The following SUPT7L variants were observed in gnomAD, a reference collection of about 807,000 sequenced individuals.
SUPT7L encodes SPT7 like, STAGA complex subunit gamma, also known as STAGA complex 65 subunit gamma.
A neutral mutation model predicts 35.7 loss-of-function variants in SUPT7L; 15 were observed. The ratio of observed to expected loss-of-function variants is 0.42; its 90% CI spans 0.28 to 0.65. The LOEUF is 0.65. SUPT7L is among the 30% of genes least tolerant of loss of function. The pLI is 0.23. For missense variants in SUPT7L, 434 were observed against 522.2 expected (o/e 0.83, Z 1.65); for synonymous variants, 168 against 186.2 (o/e 0.90, Z 0.79).
chr2:27,654,635 C>T (rs1024305807), intron 5 of SUPT7L, among the ~76,000 whole-genome samples: 6 of 152,118 alleles, frequency 3.9e-5, no homozygotes, highest in African/African-American at 7.2e-5. Context: ...GGTGCAATCT[C>T]GGCTCACTGC....
At chr2:27,656,448 G>C (rs1674807940) in intron 4 of SUPT7L, among the ~76,000 whole-genome samples, 1 of 151,912 alleles carries the variant, frequency 6.6e-6, no homozygotes, top group Admixed American at 6.6e-5. Context: ...GTATTTTTTT[G>C]TGTATGTGCT....
At chr2:27,662,645 G>A (rs1327675395) in intron 1 of SUPT7L, among the ~76,000 whole-genome samples, 2 of 152,072 alleles carry the variant, frequency 1.3e-5, no homozygotes, top group Admixed American at 6.5e-5. Context: ...GTTATCCTTG[G>A]ATTTTAATTA....
intron 4 of SUPT7L, 53 bp from the exon 5 acceptor site, chr2:27,655,655 T>C (rs1003906194): frequency 4.0e-5 from 59 of 1,480,500 alleles, no homozygotes; most frequent in South Asian, 5.3e-5. Flanking sequence ...GCAAGTTGGA[T>C]AGTCAGCTTG....
rs747063869 is a variant in SUPT7L, at chr2:27,661,055, CAGG to C, written c.345_347del (p.Leu116del). 1 of 1,614,120 alleles carries C rather than the reference CAGG, an allele frequency of 6.2e-7. No homozygotes were observed. ...CATTGGGATTCTTACAATCTAAAGG[CAGG>C]AGGTCATCAGGGAGAGGAGGTGACC... On this transcript the variant is annotated inframe_deletion, in exon 3 of 6. Coordinates refer to ENST00000337768, the MANE Select transcript of SUPT7L (RefSeq NM_014860.3).
chr2:27,644,236 T>C, the SUPT7L span, among the ~76,000 whole-genome samples: 1 of 152,174 alleles, frequency 6.6e-6, no homozygotes, highest in Non-Finnish European at 1.5e-5. Flanking sequence ...CTGTTTGTAA[T>C]AAGAATTTTG....
At chr2:27,656,918 C>T (rs1027663845) in intron 4 of SUPT7L, among the ~76,000 whole-genome samples, 3 of 152,216 alleles carry the variant, frequency 2.0e-5, no homozygotes, top group Non-Finnish European at 4.4e-5. Context: ...GGATTACAGG[C>T]ATGTGCCATC....
chr2:27,662,238 G>A lies in SUPT7L; in HGVS notation c.-46C>T. On this transcript the variant is annotated 5_prime_UTR_variant, in exon 2 of 6. Coordinates refer to ENST00000337768, the MANE Select transcript of SUPT7L (RefSeq NM_014860.3). ...TTCAACAAACATTTATCAAATGCCA[G>A]GCATTCTGTGTCGGTCAAAGACTGA... 1 of 1,604,358 alleles carries A rather than the reference G, an allele frequency of 6.2e-7. No individual in the cohort carries two copies. Among genetic ancestry groups the A allele is most frequent in the Non-Finnish European group, 8.5e-7 (1 of 1,171,130 alleles).
At chr2:27,649,440 TAATA>T (rs1674413358), downstream of SUPT7L, among the ~76,000 whole-genome samples, 1 of 145,466 alleles carries the variant, frequency 6.9e-6, no homozygotes, top group Non-Finnish European at 1.6e-5. Flanking sequence ...TGATGAGCTT[TAATA>T]AATATATACT....
Position 27,663,502 on chromosome 2 carries a change from C to G in SUPT7L, c.-263G>C, listed in dbSNP as rs1395346119. ...GGACCTGAACCGAGACAAGGAGGTA[C>G]CACACTATTCACTGCTGCGTCGCAG... On this transcript the variant is annotated 5_prime_UTR_variant, in exon 1 of 6. Coordinates refer to ENST00000337768, the MANE Select transcript of SUPT7L (RefSeq NM_014860.3). The G allele has an allele frequency of 4.2e-6, 2 of 473,432 alleles. No homozygotes were observed. The highest frequency in any genetic ancestry group is 7.7e-6 in the Non-Finnish European group (2 of 259,154). The allele number at this position is 473,432 out of a possible 1,614,324, so 29.3% of individuals were successfully genotyped here.
intron 1 of SUPT7L, among the ~76,000 whole-genome samples, chr2:27,662,521 C>G (rs948786194): frequency 4.6e-5 from 7 of 152,218 alleles, no homozygotes; most frequent in Non-Finnish European, 2.9e-5. Flanking sequence ...TTGCACATCC[C>G]TGGCAGACTC....
chr2:27,649,963 G>T (rs1572968676), downstream of SUPT7L: 32 of 533,946 alleles, frequency 6.0e-5, no homozygotes, highest in East Asian at 1.0e-3. Flanking sequence ...CAGCATGATA[G>T]AGCATGCTTC....
chr2:27,648,579 C>T (rs1227760811), downstream of SUPT7L, among the ~76,000 whole-genome samples: 1 of 152,154 alleles, frequency 6.6e-6, no homozygotes, highest in Non-Finnish European at 1.5e-5. Context: ...GATAGAATGG[C>T]TCTGGAAACC....
Position 27,661,047 on chromosome 2 carries a change from T to C in SUPT7L, c.356A>G (p.Asp119Gly). The C allele has an allele frequency of 6.2e-7, 1 of 1,614,064 alleles. No individual in the cohort carries two copies. Among genetic ancestry groups the C allele is most frequent in the Middle Eastern group, 1.6e-4 (1 of 6,062 alleles). The change falls in exon 3 of 6, where the codon GAT becomes GGT. Residue 119 changes from aspartate (D) to glycine (G), a missense_variant. Transcript: ENST00000337768. ...GAATGGTGCATTGGGATTCTTACAATCTAAAGGCAGGAGGTCATCAGGGAG... is the reference window on the plus strand; with the variant it reads ...GAATGGTGCATTGGGATTCTTACAACCTAAAGGCAGGAGGTCATCAGGGAG... ...PPLPDDLLPL[D>G]CKNPNAPFQI...
the SUPT7L span, among the ~76,000 whole-genome samples, chr2:27,642,876 T>A: frequency 1.3e-5 from 2 of 151,692 alleles, no homozygotes; most frequent in African/African-American, 2.4e-5. Flanking sequence ...GTTACACTTA[T>A]TTCTATCAGC....
chr2:27,660,817 G>A (rs1389824881), intron 3 of SUPT7L, among the ~76,000 whole-genome samples, 167 bp downstream of exon 3: 1 of 152,106 alleles, frequency 6.6e-6, no homozygotes, highest in Non-Finnish European at 1.5e-5. Context: ...CTGAAGACTG[G>A]CATTCAAAAC....
At chr2:27,646,308 C>A (rs1392230023), downstream of SUPT7L, among the ~76,000 whole-genome samples, 1 of 152,178 alleles carries the variant, frequency 6.6e-6, no homozygotes, top group Non-Finnish European at 1.5e-5. Flanking sequence ...TCCCAAAGTG[C>A]TGGGATTACA....
At chr2:27,649,572 C>T (rs368931151), downstream of SUPT7L, among the ~76,000 whole-genome samples, 1 of 152,152 alleles carries the variant, frequency 6.6e-6, no homozygotes, top group Non-Finnish European at 1.5e-5. Context: ...CAACCACTGA[C>T]TGATTTCTGT....
the SUPT7L span, among the ~76,000 whole-genome samples, chr2:27,645,711 T>A: frequency 6.6e-6 from 1 of 152,234 alleles, no homozygotes; most frequent in Middle Eastern, 3.4e-3. Flanking sequence ...TTTTAATTTT[T>A]TTTTTTTAAA....
At chr2:27,658,154 A>C (rs1572978460) in intron 3 of SUPT7L, among the ~76,000 whole-genome samples, 1 of 152,332 alleles carries the variant, frequency 6.6e-6, no homozygotes, top group East Asian at 1.9e-4. Context: ...GATTCTTATA[A>C]AGTTACAAGG....
Sources: allele counts gnomAD v4.1 joint callset (sites outside exome capture counted in the v4.1 genomes callset), GRCh38; gene constraint gnomAD v4.1.1; transcripts MANE v1.5; gene names NCBI Gene and HGNC (gene_info 2026-07-23, HGNC 2026-07-21).